The following GASK1B variants were observed in gnomAD, a reference collection of about 807,000 sequenced individuals.
The protein encoded by GASK1B is golgi associated kinase 1B, also known as Golgi-associated kinase 1B.
In GASK1B, 34 loss-of-function variants were observed where a neutral mutation model predicts 42.8. The ratio of observed to expected loss-of-function variants is 0.79; its 90% confidence interval spans 0.60 to 1.06. The LOEUF (loss-of-function observed/expected upper bound fraction) is 1.06. Ranked by LOEUF, GASK1B falls within the 50% of genes least tolerant of loss-of-function variation. The pLI, the probability that GASK1B is intolerant of heterozygous loss-of-function variation, is 0.00. For synonymous variants in GASK1B, 262 were observed against 259.1 expected (o/e 1.01, Z -0.11); for missense variants, 686 against 661.0 (o/e 1.04, Z -0.42).
Position 158,170,536 on chromosome 4 carries a change from G to A in GASK1B, c.840C>T (p.Phe280=). The A allele has an allele frequency of 6.2e-7, 1 of 1,614,232 alleles. No individual in the cohort carries two copies. The highest frequency in any genetic ancestry group is 8.5e-7 in the Non-Finnish European group (1 of 1,180,040). The change falls in exon 2 of 5, where the codon TTC becomes TTT. Residue 280 remains phenylalanine (F), a synonymous_variant. Coordinates refer to ENST00000585682, the MANE Select transcript of GASK1B (RefSeq NM_001128424.2). Reference sequence around the variant, plus strand: ...TGAGCCCCAGGATCCTGTCTAGGTGGAAGGCAAACACCTCACTCATGTCCA... The same window carrying A: ...TGAGCCCCAGGATCCTGTCTAGGTGAAAGGCAAACACCTCACTCATGTCCA... ...QPLDMSEVFA[F]HLDRILGLNR... is the part of the protein sequence containing the mutation.
chr4:158,156,209 A>C (rs894795346), intron 2 of GASK1B, among the ~76,000 whole-genome samples: 1 of 152,188 alleles, frequency 6.6e-6, no homozygotes, highest in Non-Finnish European at 1.5e-5. Context: ...TCAATGTCTG[A>C]GTGGAGCTGC....
intron 4 of GASK1B, among the ~76,000 whole-genome samples, chr4:158,128,150 T>C (rs1383191820): frequency 6.6e-6 from 1 of 152,152 alleles, no homozygotes; most frequent in Non-Finnish European, 1.5e-5. Context: ...TTCAAAAACA[T>C]CAAATTAAAG....
rs976627363 is a variant in GASK1B, at chr4:158,171,021, C to G, written c.355G>C (p.Ala119Pro). The change falls in exon 2 of 5, where the codon GCC (alanine) becomes CCC (proline). Residue 119 changes from alanine (A) to proline (P), a missense_variant. Coordinates refer to ENST00000585682, the MANE Select transcript of GASK1B (RefSeq NM_001128424.2). ...GGCTTCACGGTGCCACGGATATTGG[C>G]CGGCTTGCTGCGCTTGGAGCGTAGG... ...ITLRSKRSKP[A>P]NIRGTVKPKR... The G allele has an allele frequency of 6.2e-7, 1 of 1,613,976 alleles. No homozygotes were observed. Among genetic ancestry groups the G allele is most frequent in the Admixed American group, 1.7e-5 (1 of 60,026 alleles).
At chr4:158,155,132 G>A (rs954011896) in intron 3 of GASK1B, among the ~76,000 whole-genome samples, 34 of 152,268 alleles carry the variant, frequency 2.2e-4, no homozygotes, top group African/African-American at 7.9e-4. Flanking sequence ...ACAGTTGACC[G>A]GCATTAACAT....
intron 3 of GASK1B, among the ~76,000 whole-genome samples, chr4:158,143,452 G>T (rs1461751652): frequency 6.6e-6 from 1 of 152,150 alleles, no homozygotes; most frequent in East Asian, 1.9e-4. Flanking sequence ...GCAATGATTT[G>T]CACATTAATT....
At chr4:158,144,915 C>G (rs530393216) in intron 3 of GASK1B, among the ~76,000 whole-genome samples, 1 of 152,314 alleles carries the variant, frequency 6.6e-6, no homozygotes, top group African/African-American at 2.4e-5. Flanking sequence ...CCAACCCAAA[C>G]TATTTGAAAT....
rs534656731 is a variant in GASK1B, at chr4:158,133,290, TA to T, written c.1126-2279del. Among the ~76,000 whole-genome samples, 469 of 152,296 alleles carry T rather than the reference TA, an allele frequency of 3.1e-3. 3 individuals are homozygous for T. The highest frequency in any genetic ancestry group is 0.011 in the African/African-American group (447 of 41,562). ...TTGTTTTATCTAGTTACATTAACAT[TA>T]AAAATAAAAAAACTTAAATCTTATT... On this transcript the variant is annotated intron_variant, in intron 3 of 4. Transcript: ENST00000585682.
intron 3 of GASK1B, among the ~76,000 whole-genome samples, chr4:158,147,245 C>T (rs17278683): frequency 0.017 from 2,599 of 152,042 alleles, 39 homozygotes; most frequent in Non-Finnish European, 0.028. Flanking sequence ...CGAAAAATGG[C>T]CTAAGTTTGT....
chr4:158,137,184 C>A (rs1182112186), intron 3 of GASK1B, among the ~76,000 whole-genome samples: 4 of 152,088 alleles, frequency 2.6e-5, no homozygotes, highest in South Asian at 2.1e-4. Context: ...ATAACGAATT[C>A]TCATATCTCA....
chr4:158,148,219 T>TA (rs1409451393), intron 3 of GASK1B, among the ~76,000 whole-genome samples: 2 of 151,966 alleles, frequency 1.3e-5, no homozygotes, highest in Non-Finnish European at 2.9e-5. Flanking sequence ...GTCTCTATTT[T>TA]AAAAAAGGGA....
chr4:158,147,230 A>C (rs1454038199), intron 3 of GASK1B, among the ~76,000 whole-genome samples: 1 of 152,182 alleles, frequency 6.6e-6, no homozygotes, highest in Non-Finnish European at 1.5e-5. Context: ...TTACTATGGC[A>C]TTCACGAAAA....
rs1356132886 is a variant in GASK1B, at chr4:158,151,119, G to A, written c.1125+4492C>T. ...ACGGAAAAGTTTTTTTCTAAAATGG[G>A]CGAAGGGAAAGGGAGTAATCAGAAT... On this transcript the variant is annotated intron_variant, in intron 3 of 4. Transcript: ENST00000585682. Among the ~76,000 whole-genome samples, 3 of 152,160 alleles carry A rather than the reference G, an allele frequency of 2.0e-5. No homozygotes were observed. In the East Asian group the frequency reaches 5.8e-4, roughly 29 times the overall value.
At chr4:158,166,926 CA>C (rs1732251023) in intron 2 of GASK1B, among the ~76,000 whole-genome samples, 1 of 152,036 alleles carries the variant, frequency 6.6e-6, no homozygotes, top group South Asian at 2.1e-4. Flanking sequence ...AGTTAGAAGA[CA>C]AAAATTTTTG....
chr4:158,167,254 T>C (rs987426975), intron 2 of GASK1B: 1 of 152,112 alleles, frequency 6.6e-6, no homozygotes, highest in East Asian at 1.9e-4. Flanking sequence ...GAGAAATATA[T>C]ACCTAAATTA....
chr4:158,128,767 T>C (rs1286959113), intron 4 of GASK1B, among the ~76,000 whole-genome samples: 6 of 152,200 alleles, frequency 3.9e-5, no homozygotes, highest in Admixed American at 3.9e-4. Flanking sequence ...CGGACTTGCT[T>C]AATGTGTGTG....
intron 3 of GASK1B, among the ~76,000 whole-genome samples, chr4:158,139,594 C>T (rs1006218357): frequency 3.9e-5 from 6 of 152,078 alleles, no homozygotes; most frequent in African/African-American, 1.4e-4. Context: ...TTAAAAATTA[C>T]TGAGGACCCC....
At chr4:158,166,887 G>A (rs1300416689) in intron 2 of GASK1B, among the ~76,000 whole-genome samples, 21 of 152,194 alleles carry the variant, frequency 1.4e-4, no homozygotes, top group Admixed American at 1.0e-3. Context: ...GTTGAGGGAC[G>A]CAGATTTATG....
At chr4:158,140,239 C>T (rs1169605945) in intron 3 of GASK1B, among the ~76,000 whole-genome samples, 1 of 152,130 alleles carries the variant, frequency 6.6e-6, no homozygotes, top group African/African-American at 2.4e-5. Context: ...AAAAACCATG[C>T]CCCAAACAGT....
In GASK1B at chr4:158,170,206, C is replaced by T. The variant is rs369885932; in HGVS notation, c.910+260G>A. On this transcript the variant is annotated intron_variant, in intron 2 of 4. Transcript: ENST00000585682. ...TTTAATAAGCCACTGGGAAGTGAAG[C>T]GAGGGAAATGGAGAGCAAAGATTAT... is the stretch of plus-strand genomic sequence containing the variant. 1.4e-5 allele frequency: 22 copies of T among 1,601,080 alleles called. No homozygotes were observed. In the African/African-American group the frequency reaches 2.5e-4, roughly 19 times the overall value.
Sources: gnomAD v4.1 joint callset for allele counts (sites outside exome capture counted in the v4.1 genomes callset) on GRCh38, gnomAD v4.1.1 for gene constraint, MANE v1.5 for transcripts, NCBI Gene and HGNC (gene_info 2026-07-23, HGNC 2026-07-21) for gene names.